Variants in DCAF13 observed in about 807,000 individuals in gnomAD.
DCAF13 encodes the protein DDB1 and CUL4 associated factor 13, also known as DDB1- and CUL4-associated factor 13.
DCAF13 carries 38 observed loss-of-function variants against 59.0 expected under a neutral mutation model. The ratio of observed to expected loss-of-function variants is 0.64; its 90% CI spans 0.50 to 0.84. The LOEUF is 0.84. Among genes scored for constraint, DCAF13 ranks in the 40% least tolerant of loss-of-function variants. The pLI is 0.00. For missense variants in DCAF13, 469 were observed against 558.4 expected, an observed-to-expected ratio of 0.84 and a Z score of 1.61; for synonymous variants, 173 against 175.0, an observed-to-expected ratio of 0.99 and a Z score of 0.09.
At chr8:103,417,717 C>T (rs566390713) in intron 1 of DCAF13, among the ~76,000 whole-genome samples, 4 of 151,556 alleles carry the variant, frequency 2.6e-5, no homozygotes, top group Non-Finnish European at 5.9e-5. Flanking sequence ...AAGGGATCTG[C>T]TCAAAAACTC....
intron 1 of DCAF13, among the ~76,000 whole-genome samples, chr8:103,419,320 C>T (rs1816690430): frequency 6.6e-6 from 1 of 152,120 alleles, no homozygotes; most frequent in Admixed American, 6.5e-5. Flanking sequence ...CCTCTTTATG[C>T]CTCAGTTTTC....
chr8:103,415,393 TGGGCG>T lies in DCAF13; in HGVS notation c.-52_-48del, dbSNP rs1816590891. ...AGTCGCCTGTGGGAGGAGGTGGCGG[TGGGCG>T]GAACTCCTAGCGGACACCTCGTGGA... On this transcript the variant is annotated 5_prime_UTR_variant, in exon 1 of 11. Transcript: ENST00000612750. 2.5e-6 allele frequency: 4 copies of T among 1,613,708 alleles called. No individual in the cohort carries two copies. The highest frequency in any genetic ancestry group is 3.4e-6 in the Non-Finnish European group (4 of 1,179,966).
rs767036356 is a variant in DCAF13, at chr8:103,432,775, C to T, written c.785+34C>T. On this transcript the variant is annotated intron_variant, in intron 7 of 10. Coordinates refer to ENST00000612750, the MANE Select transcript of DCAF13 (RefSeq NM_015420.7). ...CCCTCTTTTAAAAACTTGTGTATTT[C>T]TATCATGAATGGCTTAATTGTATAA... is the stretch of plus-strand genomic sequence containing the variant. 3.8e-6 allele frequency: 5 copies of T among 1,316,100 alleles called. 1 individual carries two copies. In the South Asian group the frequency reaches 5.9e-5, roughly 16 times the overall value. The allele number at this position is 1,316,100 out of a possible 1,614,324, so 81.5% of individuals were successfully genotyped here.
chr8:103,417,291 A>G (rs758049179), intron 1 of DCAF13, among the ~76,000 whole-genome samples: 3 of 152,114 alleles, frequency 2.0e-5, no homozygotes, highest in Non-Finnish European at 4.4e-5. Flanking sequence ...CATTGAATTA[A>G]GCTGAAATTA....
intron 1 of DCAF13, among the ~76,000 whole-genome samples, chr8:103,418,874 T>A (rs1319373230): frequency 0.033 from 1,281 of 38,488 alleles, 25 homozygotes; most frequent in East Asian, 0.15. Flanking sequence ...ATATTTTTTT[T>A]TTTTTTTTTT....
Position 103,432,739 on chromosome 8 carries a change from T to A in DCAF13, c.783T>A (p.Tyr261Ter). 1 of 1,582,756 alleles carries A rather than the reference T, an allele frequency of 6.3e-7. No individual in the cohort carries two copies. The highest frequency in any genetic ancestry group is 8.7e-7 in the Non-Finnish European group (1 of 1,153,786). The change falls in exon 7 of 11, where the codon TAT (tyrosine) becomes TAA (stop). Residue 261 changes from tyrosine (Y) to a stop codon, truncating the protein, a stop_gained and splice_region_variant. Coordinates refer to ENST00000612750, the MANE Select transcript of DCAF13 (RefSeq NM_015420.7). LOFTEE classifies it high-confidence loss of function. ...TTTTTACAGCAGCAAATGAAGATTA[T>A]AAGTAAGTTTCCCTCTTTTAAAAAC... is the stretch of plus-strand genomic sequence containing the variant. ...AFIFTAANED[Y>*]NLYTFDMRAL...
At chr8:103,433,524 A>T (rs1339642257) in intron 7 of DCAF13, among the ~76,000 whole-genome samples, 1 of 151,974 alleles carries the variant, frequency 6.6e-6, no homozygotes, top group Non-Finnish European at 1.5e-5. Context: ...TTGTTGGTGG[A>T]TTGAACTTTA....
intron 1 of DCAF13, among the ~76,000 whole-genome samples, chr8:103,419,812 C>T (rs1244445674): frequency 6.6e-6 from 1 of 151,528 alleles, no homozygotes; most frequent in Admixed American, 6.6e-5. Context: ...AGATCGAGAC[C>T]AGCCTGACCA....
At chr8:103,423,865 C>T (rs200098745) in intron 3 of DCAF13, among the ~76,000 whole-genome samples, 1 of 151,956 alleles carries the variant, frequency 6.6e-6, no homozygotes, top group Non-Finnish European at 1.5e-5. Context: ...CCACTTATTT[C>T]CCCCCACTTT....
chr8:103,441,669 A>T, intron 10 of DCAF13, 51 bp downstream of exon 10: 1 of 1,556,928 alleles, frequency 6.4e-7, no homozygotes, highest in Non-Finnish European at 8.7e-7. Context: ...TTCTGCTCTC[A>T]TCTCACCAAA....
chr8:103,434,063 A>G (rs1233985234), intron 7 of DCAF13, among the ~76,000 whole-genome samples: 1 of 152,138 alleles, frequency 6.6e-6, no homozygotes, highest in Non-Finnish European at 1.5e-5. Flanking sequence ...ATCCCTTATA[A>G]TAAGTGACTG....
At chr8:103,441,769 C>CT (rs1276842901) in intron 10 of DCAF13, 151 bp downstream of exon 10, 9 of 721,478 alleles carry the variant, frequency 1.2e-5, no homozygotes, top group South Asian at 4.2e-5. Context: ...TACAGAAGGC[C>CT]TTTTCTTTTT....
intron 3 of DCAF13, among the ~76,000 whole-genome samples, chr8:103,422,564 A>G (rs187502529): frequency 3.3e-5 from 5 of 152,338 alleles, no homozygotes; most frequent in Non-Finnish European, 7.3e-5. Flanking sequence ...AGAATAATGA[A>G]AAATGAAGAC....
intron 1 of DCAF13, among the ~76,000 whole-genome samples, chr8:103,416,604 A>G (rs1816617135): frequency 1.3e-5 from 2 of 152,208 alleles, no homozygotes; most frequent in African/African-American, 4.8e-5. Context: ...TACCTCCTGC[A>G]TGAGCCCCGC....
At chr8:103,427,297 A>C (rs1183772063) in intron 5 of DCAF13, 45 bp downstream of exon 5, 3 of 1,529,594 alleles carry the variant, frequency 2.0e-6, no homozygotes, top group Non-Finnish European at 2.7e-6. Context: ...TGGCTTAATA[A>C]TTTCAGTTCT....
At chr8:103,431,895 G>C (rs2130489589) in intron 6 of DCAF13, among the ~76,000 whole-genome samples, 1 of 152,072 alleles carries the variant, frequency 6.6e-6, no homozygotes, top group South Asian at 2.1e-4. Flanking sequence ...ATGTAGCCTG[G>C]CTTTCAAGGT....
intron 10 of DCAF13, 100 bp from the exon 11 acceptor site, chr8:103,442,695 G>A (rs1014575354): frequency 4.4e-6 from 3 of 674,464 alleles, no homozygotes; most frequent in Non-Finnish European, 4.8e-6. Flanking sequence ...TTTTAAATAG[G>A]TGTTTTTCTA....
chr8:103,418,059 T>G (rs1389326640), intron 1 of DCAF13, among the ~76,000 whole-genome samples: 1 of 146,282 alleles, frequency 6.8e-6, no homozygotes, highest in African/African-American at 2.5e-5. Flanking sequence ...ACCCGGGAGG[T>G]GGAGCTTGCA....
intron 8 of DCAF13, 136 bp from the exon 9 acceptor site, chr8:103,440,000 T>C: frequency 1.6e-6 from 1 of 642,828 alleles, no homozygotes; most frequent in South Asian, 5.2e-5. Context: ...TCAATAAAAA[T>C]ACATTGACAA....
Sources: allele counts gnomAD v4.1 joint callset (sites outside exome capture counted in the v4.1 genomes callset), GRCh38; gene constraint gnomAD v4.1.1; transcripts MANE v1.5; gene names NCBI Gene and HGNC (gene_info 2026-07-23, HGNC 2026-07-21).